Variants in MACROD2 observed in about 807,000 individuals in gnomAD.
The protein encoded by MACROD2 is mono-ADP ribosylhydrolase 2.
MACROD2 carries 36 observed loss-of-function variants against 70.4 expected under a neutral mutation model. The observed-to-expected ratio is 0.51, with a 90% CI of 0.39 to 0.68. The LOEUF is 0.68. Ranked by LOEUF, MACROD2 falls within the 30% of genes least tolerant of loss-of-function variation. The probability of loss-of-function intolerance (pLI) is 0.00; values close to 1 mark genes in which losing one functional copy is unlikely to be tolerated. For synonymous variants in MACROD2, 172 were observed against 178.8 expected, an observed-to-expected ratio of 0.96 and a Z score of 0.30; for missense variants, 496 against 538.4, an observed-to-expected ratio of 0.92 and a Z score of 0.78.
At chr20:15,044,085 A>G (rs745975768) in intron 5 of MACROD2, among the ~76,000 whole-genome samples, 10 of 152,286 alleles carry the variant, frequency 6.6e-5, no homozygotes, top group South Asian at 6.2e-4. Context: ...ATTGAATTCA[A>G]TCTACAGCCT....
chr20:15,597,010 G>A (rs1007010967), intron 8 of MACROD2, among the ~76,000 whole-genome samples: 1 of 152,184 alleles, frequency 6.6e-6, no homozygotes, highest in Admixed American at 6.5e-5. Flanking sequence ...TTTTAAAAAG[G>A]AAAGGTATGA....
intron 8 of MACROD2, among the ~76,000 whole-genome samples, chr20:15,643,666 C>T (rs1011817853): frequency 6.6e-6 from 1 of 152,144 alleles, no homozygotes; most frequent in Non-Finnish European, 1.5e-5. Context: ...TTTATAAATA[C>T]ACAAAACCAA....
chr20:15,057,455 T>G (rs1483922994), intron 5 of MACROD2, among the ~76,000 whole-genome samples: 1 of 152,200 alleles, frequency 6.6e-6, no homozygotes, highest in Non-Finnish European at 1.5e-5. Flanking sequence ...TGTGGCTTGT[T>G]CTGGGCAAAT....
At chr20:14,392,720 A>G (rs1467575030) in intron 3 of MACROD2, among the ~76,000 whole-genome samples, 1 of 152,090 alleles carries the variant, frequency 6.6e-6, no homozygotes, top group Non-Finnish European at 1.5e-5. Context: ...CTGTTCCTAA[A>G]TTTCATTCTC....
Position 15,669,906 on chromosome 20 carries a change from C to T in MACROD2, c.645+170059C>T, listed in dbSNP as rs1000896739. On this transcript the variant is annotated intron_variant, in intron 8 of 17. Transcript: ENST00000684519. ...TTTTCCTTTATAAACACGTATTGAG[C>T]ACCTACTATGTGACAGGCATGGTGC... Among the ~76,000 whole-genome samples the T allele has an allele frequency of 3.3e-5, 5 of 152,148 alleles. No individual in the cohort carries two copies. The East Asian group carries it at 5.8e-4, about 18-fold the overall frequency.
At chr20:14,184,107 G>T in intron 3 of MACROD2, among the ~76,000 whole-genome samples, 1 of 151,884 alleles carries the variant, frequency 6.6e-6, no homozygotes, top group East Asian at 1.9e-4. Flanking sequence ...ATCTTTGCTT[G>T]TGCCTGTGTC....
At chr20:15,163,105 A>G (rs1482847990) in intron 5 of MACROD2, among the ~76,000 whole-genome samples, 1 of 151,914 alleles carries the variant, frequency 6.6e-6, no homozygotes, top group Non-Finnish European at 1.5e-5. Flanking sequence ...TGAAACTATA[A>G]CATGAATTTT....
chr20:14,004,206 G>T (rs1201020201), intron 2 of MACROD2, among the ~76,000 whole-genome samples: 1 of 152,144 alleles, frequency 6.6e-6, no homozygotes, highest in Admixed American at 6.5e-5. Context: ...TTTGCATTAG[G>T]ACTACTCAAC....
chr20:15,242,614 T>C (rs2077069358), intron 6 of MACROD2, among the ~76,000 whole-genome samples: 1 of 152,136 alleles, frequency 6.6e-6, no homozygotes, highest in African/African-American at 2.4e-5. Flanking sequence ...TGTTTAGGAG[T>C]AGATTTAATA....
rs200520427 is a variant in MACROD2 at position 15,623,416 on chromosome 20, C to A, written c.645+123569C>A. Among the ~76,000 whole-genome samples, 32 of 152,202 alleles carry A rather than the reference C, an allele frequency of 2.1e-4. No individual in the cohort carries two copies. In the East Asian group the frequency reaches 5.6e-3, roughly 27 times the overall value. ...GACTGTAATGTCTTTTCTGGGAATGCCTTTGTTGGGGCTCAACACATTGTT... is the reference window on the plus strand; with the variant it reads ...GACTGTAATGTCTTTTCTGGGAATGACTTTGTTGGGGCTCAACACATTGTT... On this transcript the variant is annotated intron_variant, in intron 8 of 17. Transcript: ENST00000684519.
At chr20:15,143,256 T>C (rs1390811681) in intron 5 of MACROD2, among the ~76,000 whole-genome samples, 3 of 152,340 alleles carry the variant, frequency 2.0e-5, no homozygotes, top group African/African-American at 7.2e-5. Flanking sequence ...ATTTCTCTGA[T>C]GGCCAGTGAT....
At chr20:14,512,825 G>T (rs1055293748) in intron 4 of MACROD2, among the ~76,000 whole-genome samples, 1 of 152,078 alleles carries the variant, frequency 6.6e-6, no homozygotes, top group South Asian at 2.1e-4. Flanking sequence ...TCATGTTTAC[G>T]ATTTTTTTCT....
At chr20:14,764,955 A>G (rs903034864) in intron 5 of MACROD2, among the ~76,000 whole-genome samples, 6 of 152,094 alleles carry the variant, frequency 3.9e-5, no homozygotes, top group African/African-American at 1.5e-4. Context: ...ACTGCTTGGC[A>G]GAGTTCCCAA....
intron 3 of MACROD2, among the ~76,000 whole-genome samples, chr20:14,129,939 C>T (rs916494910): frequency 2.6e-5 from 4 of 152,092 alleles, no homozygotes; most frequent in African/African-American, 7.2e-5. Context: ...CACTGGGAAA[C>T]CAAAAAATTT....
chr20:15,248,560 T>G (rs2077126478), intron 6 of MACROD2, among the ~76,000 whole-genome samples: 1 of 152,208 alleles, frequency 6.6e-6, no homozygotes, highest in African/African-American at 2.4e-5. Flanking sequence ...TACAAGTCCC[T>G]GATTCCCAAA....
At chr20:15,734,157 G>A (rs1204242548) in intron 8 of MACROD2, among the ~76,000 whole-genome samples, 3 of 152,170 alleles carry the variant, frequency 2.0e-5, no homozygotes, top group Admixed American at 6.5e-5. Flanking sequence ...AGTAGGATAC[G>A]GATGTCAGTA....
At chr20:14,880,670 G>C (rs2073600873) in intron 5 of MACROD2, among the ~76,000 whole-genome samples, 1 of 152,196 alleles carries the variant, frequency 6.6e-6, no homozygotes, top group East Asian at 1.9e-4. Flanking sequence ...CCCTTCAGCT[G>C]CAGTCAGCCT....
chr20:14,344,543 T>G (rs1381707077), intron 3 of MACROD2, among the ~76,000 whole-genome samples: 1 of 152,204 alleles, frequency 6.6e-6, no homozygotes, highest in Non-Finnish European at 1.5e-5. Context: ...TCACTAGTTT[T>G]GTTTGTTTTT....
intron 5 of MACROD2, among the ~76,000 whole-genome samples, chr20:15,190,744 G>A (rs1018596264): frequency 2.6e-5 from 4 of 152,144 alleles, no homozygotes; most frequent in African/African-American, 4.8e-5. Flanking sequence ...TGCACAGGAG[G>A]CCTTAGAGTG....
Sources: allele counts gnomAD v4.1 joint callset (sites outside exome capture counted in the v4.1 genomes callset), GRCh38; gene constraint gnomAD v4.1.1; transcripts MANE v1.5; gene names NCBI Gene and HGNC (gene_info 2026-07-23, HGNC 2026-07-21).